The following EPB41L2 variants were observed in gnomAD, a reference collection of about 807,000 sequenced individuals.
The protein encoded by EPB41L2 is erythrocyte membrane protein band 4.1 like 2.
In EPB41L2, 43 loss-of-function variants were observed where a neutral mutation model predicts 113.0. That is an observed-to-expected ratio of 0.38 (90% CI 0.30 to 0.49). EPB41L2 has a LOEUF of 0.49. EPB41L2 is among the 20% of genes least tolerant of loss of function. The pLI is 0.95. For synonymous variants in EPB41L2, 442 were observed against 436.7 expected, an observed-to-expected ratio of 1.01 and a Z score of -0.15; for missense variants, 1,147 against 1,223.4, an observed-to-expected ratio of 0.94 and a Z score of 0.93.
chr6:130,963,531 CA>C (rs1774172371), intron 1 of EPB41L2, among the ~76,000 whole-genome samples: 1 of 152,060 alleles, frequency 6.6e-6, no homozygotes. Context: ...ATGTTGGAGA[CA>C]GGGGTATATG....
At chr6:130,959,347 A>G (rs945518921) in intron 1 of EPB41L2, among the ~76,000 whole-genome samples, 114 of 152,182 alleles carry the variant, frequency 7.5e-4, no homozygotes, top group African/African-American at 2.7e-3. Flanking sequence ...TAGGGTTTGG[A>G]TGTTGTCATC....
At chr6:130,977,997 T>A (rs1441026199) in intron 1 of EPB41L2, among the ~76,000 whole-genome samples, 1 of 152,192 alleles carries the variant, frequency 6.6e-6, no homozygotes, top group Non-Finnish European at 1.5e-5. Flanking sequence ...CATTAATGTA[T>A]AATAATTTCC....
chr6:130,855,643 T>C (rs544713622), intron 19 of EPB41L2, among the ~76,000 whole-genome samples: 20 of 152,284 alleles, frequency 1.3e-4, no homozygotes, highest in African/African-American at 3.4e-4. Flanking sequence ...TAAAAAACTA[T>C]ATAATTTTAA....
At chr6:130,857,549 CTTTTTTTT>C (rs10557309) in intron 19 of EPB41L2, among the ~76,000 whole-genome samples, 4 of 72,820 alleles carry the variant, frequency 5.5e-5, no homozygotes, top group African/African-American at 2.3e-4. Flanking sequence ...TCAGATGTAT[CTTTTTTTT>C]TTTTTTTTTT....
chr6:130,877,528 G>C (rs769198917), intron 14 of EPB41L2, among the ~76,000 whole-genome samples: 2 of 152,090 alleles, frequency 1.3e-5, no homozygotes, highest in African/African-American at 4.8e-5. Flanking sequence ...AATAGAGTAA[G>C]TGAGGAGAAA....
chr6:130,944,207 A>AC (rs1378126473), intron 3 of EPB41L2, among the ~76,000 whole-genome samples: 15 of 151,050 alleles, frequency 9.9e-5, no homozygotes, highest in South Asian at 2.1e-4. Flanking sequence ...ACACACACAC[A>AC]AATGCCCAAA....
rs184506428 is a variant in EPB41L2 at position 130,988,131 on chromosome 6, A to G, written c.-14-31632T>C. On this transcript the variant is annotated intron_variant, in intron 1 of 19. Transcript: ENST00000337057. ...ACCCTGTCTCAAAAATAAATAAATAAAAATAGGCTCAGGTGGAAGTACCAG... is the reference window on the plus strand; with the variant it reads ...ACCCTGTCTCAAAAATAAATAAATAGAAATAGGCTCAGGTGGAAGTACCAG... Among the ~76,000 whole-genome samples, 21 of 151,600 alleles carry G rather than the reference A, an allele frequency of 1.4e-4. 1 individual carries two copies. The highest frequency in any genetic ancestry group is 1.2e-3 in the Admixed American group (19 of 15,248).
chr6:130,983,933 C>A (rs1779945218), intron 1 of EPB41L2, among the ~76,000 whole-genome samples: 1 of 152,134 alleles, frequency 6.6e-6, no homozygotes. Context: ...TATAAACTTG[C>A]ATTTTTTAAA....
At chr6:130,952,199 T>C (rs982829389) in intron 3 of EPB41L2, among the ~76,000 whole-genome samples, 3 of 152,088 alleles carry the variant, frequency 2.0e-5, no homozygotes, top group Admixed American at 6.5e-5. Context: ...CTGGTTGAAA[T>C]GTAAATGGTC....
intron 3 of EPB41L2, among the ~76,000 whole-genome samples, chr6:130,953,992 AC>A (rs1554295413): frequency 1.2e-4 from 1 of 8,336 alleles, no homozygotes; most frequent in African/African-American, 1.1e-3. Flanking sequence ...AAAAACTAAG[AC>A]AACTAAGACA....
At chr6:130,938,372 T>C (rs1809616971) in intron 3 of EPB41L2, among the ~76,000 whole-genome samples, 1 of 152,130 alleles carries the variant, frequency 6.6e-6, no homozygotes, top group Non-Finnish European at 1.5e-5. Context: ...CAAAGTAAAA[T>C]AAAAGACAAA....
intron 1 of EPB41L2, among the ~76,000 whole-genome samples, chr6:131,060,114 C>T (rs1048125248): frequency 2.0e-5 from 3 of 152,162 alleles, no homozygotes; most frequent in Admixed American, 6.5e-5. Context: ...AAGAAAAAGG[C>T]CCATGTCTTC....
chr6:130,932,073 C>A (rs1807081882), intron 3 of EPB41L2, among the ~76,000 whole-genome samples: 1 of 152,114 alleles, frequency 6.6e-6, no homozygotes, highest in African/African-American at 2.4e-5. Flanking sequence ...GCTGAAATTA[C>A]AAGACCTTTT....
chr6:131,007,391 T>C (rs2225557), intron 1 of EPB41L2, among the ~76,000 whole-genome samples: 121,709 of 152,168 alleles, frequency 0.8, 49,067 homozygotes, highest in African/African-American at 0.88. Flanking sequence ...AAACTTCTTT[T>C]TTTTAAAAAT....
intron 4 of EPB41L2, among the ~76,000 whole-genome samples, chr6:130,911,005 C>T (rs1799216661): frequency 6.6e-6 from 1 of 152,176 alleles, no homozygotes; most frequent in Admixed American, 6.5e-5. Flanking sequence ...CACCATTTGA[C>T]CCAGCCATCC....
chr6:130,888,718 C>A (rs1791848371), intron 11 of EPB41L2, among the ~76,000 whole-genome samples: 1 of 152,152 alleles, frequency 6.6e-6, no homozygotes, highest in South Asian at 2.1e-4. Flanking sequence ...TGGGTTGGCA[C>A]ATTTTTCAGA....
At chr6:130,923,280 C>T (rs990553959) in intron 4 of EPB41L2, among the ~76,000 whole-genome samples, 1 of 152,188 alleles carries the variant, frequency 6.6e-6, no homozygotes, top group African/African-American at 2.4e-5. Flanking sequence ...CCCATGCCAC[C>T]CATCAACCAA....
intron 19 of EPB41L2, among the ~76,000 whole-genome samples, chr6:130,856,352 G>C (rs913811515): frequency 6.6e-6 from 1 of 152,096 alleles, no homozygotes; most frequent in African/African-American, 2.4e-5. Context: ...AATCTATCAA[G>C]AATCAATTAA....
At chr6:130,963,320 A>G (rs922562707) in intron 1 of EPB41L2, among the ~76,000 whole-genome samples, 2 of 152,194 alleles carry the variant, frequency 1.3e-5, no homozygotes, top group Non-Finnish European at 2.9e-5. Flanking sequence ...TATTACTCCC[A>G]CTGCATTTTA....
Sources: gnomAD v4.1 joint callset for allele counts (sites outside exome capture counted in the v4.1 genomes callset) on GRCh38, gnomAD v4.1.1 for gene constraint, MANE v1.5 for transcripts, NCBI Gene and HGNC (gene_info 2026-07-23, HGNC 2026-07-21) for gene names.